RBM47: variants seen among roughly 807,000 people sequenced by gnomAD.
The protein encoded by RBM47 is RNA binding motif protein 47, also known as RNA-binding protein 47.
A neutral mutation model predicts 47.1 loss-of-function variants in RBM47; 21 were observed. That is an observed-to-expected ratio of 0.45 (90% CI 0.32 to 0.64). The LOEUF is 0.64. Among genes scored for constraint, RBM47 ranks in the 30% least tolerant of loss-of-function variants. The probability of loss-of-function intolerance (pLI) is 0.05; values close to 1 mark genes in which losing one functional copy is unlikely to be tolerated. For synonymous variants in RBM47, 375 were observed against 361.7 expected (o/e 1.04, Z -0.42); for missense variants, 708 against 870.9 (o/e 0.81, Z 2.35).
chr4:40,593,647 G>A (rs1409874823), intron 1 of RBM47, among the ~76,000 whole-genome samples: 1 of 152,084 alleles, frequency 6.6e-6, no homozygotes, highest in Non-Finnish European at 1.5e-5. Context: ...TTGGGAGGCT[G>A]AGGCGGGTGG....
At chr4:40,533,997 T>C (rs991487228) in intron 2 of RBM47, among the ~76,000 whole-genome samples, 5 of 152,154 alleles carry the variant, frequency 3.3e-5, no homozygotes, top group African/African-American at 1.2e-4. Context: ...GTATTTTTAG[T>C]AGAGATGTGG....
In RBM47 at chr4:40,578,773, G is replaced by A. The variant is rs1257852396; in HGVS notation, c.-239-34267C>T. Among the ~76,000 whole-genome samples the A allele has an allele frequency of 3.3e-5, 5 of 152,316 alleles. No homozygotes were observed. The East Asian group carries it at 9.6e-4, about 29-fold the overall frequency. On this transcript the variant is annotated intron_variant, in intron 1 of 6. Transcript: ENST00000295971. ...GCAGGGCCTGCTGTAAGGGCTAAGG[G>A]GTAACGCACACAAAGTGCTTGGCAC...
rs928769504 is a variant in RBM47 at position 40,432,552 on chromosome 4, G to A, written c.1542+99C>T. 6.4e-6 allele frequency: 10 copies of A among 1,556,402 alleles called. No homozygotes were observed. The African/African-American group carries it at 9.8e-5, about 15-fold the overall frequency. ...CACCCAACCATAGCTGTAACAGAGA[G>A]CCAGGCACACAGTAAATTCTCAGTG... is the stretch of plus-strand genomic sequence containing the variant. On this transcript the variant is annotated intron_variant, in intron 6 of 6. Transcript: ENST00000295971.
chr4:40,619,566 T>C (rs1332383770), intron 1 of RBM47, among the ~76,000 whole-genome samples: 5 of 152,184 alleles, frequency 3.3e-5, no homozygotes, highest in Admixed American at 2.6e-4. Flanking sequence ...CTGGGCACTT[T>C]GCACTGTTGC....
intron 2 of RBM47, among the ~76,000 whole-genome samples, chr4:40,493,763 C>A (rs534991405): frequency 7.6e-6 from 1 of 132,296 alleles, no homozygotes; most frequent in East Asian, 2.2e-4. Context: ...CAGAGTGAGA[C>A]CCTGTCTCAA....
chr4:40,456,755 G>A (rs1323736096), intron 3 of RBM47, among the ~76,000 whole-genome samples: 2 of 151,050 alleles, frequency 1.3e-5, no homozygotes, highest in South Asian at 2.1e-4. Context: ...TCACCACCAC[G>A]CCTGGCTAAT....
chr4:40,511,857 C>T (rs1014279927), intron 2 of RBM47, among the ~76,000 whole-genome samples: 3 of 151,122 alleles, frequency 2.0e-5, no homozygotes. Context: ...ATCGCCTGAA[C>T]CTGGGAGGCA....
chr4:40,494,714 G>A (rs1722344888), intron 2 of RBM47, among the ~76,000 whole-genome samples: 1 of 152,118 alleles, frequency 6.6e-6, no homozygotes, highest in Non-Finnish European at 1.5e-5. Flanking sequence ...CAGAAGCCAG[G>A]GACAGGTACA....
chr4:40,460,033 G>A (rs1716872624), intron 3 of RBM47, among the ~76,000 whole-genome samples: 1 of 152,126 alleles, frequency 6.6e-6, no homozygotes, highest in African/African-American at 2.4e-5. Context: ...TGGGATTACA[G>A]GCCTGAGCCA....
intron 5 of RBM47, among the ~76,000 whole-genome samples, chr4:40,433,539 A>G (rs968478772): frequency 1.3e-5 from 2 of 152,216 alleles, no homozygotes; most frequent in African/African-American, 4.8e-5. Context: ...GGCTTAGACG[A>G]AGAAGTGAGA....
At chr4:40,478,051 T>C (rs1719880806) in intron 2 of RBM47, among the ~76,000 whole-genome samples, 1 of 146,402 alleles carries the variant, frequency 6.8e-6, no homozygotes, top group Admixed American at 6.9e-5. Flanking sequence ...GTTTTGCTCT[T>C]ATTACCCAGG....
chr4:40,598,520 G>A (rs1037326010), intron 1 of RBM47, among the ~76,000 whole-genome samples: 2 of 151,946 alleles, frequency 1.3e-5, no homozygotes, highest in Non-Finnish European at 2.9e-5. Context: ...AAAGTGCTGG[G>A]ATTACAGGCA....
intron 2 of RBM47, chr4:40,543,211 C>T (rs1450190491): frequency 6.6e-6 from 1 of 152,188 alleles, no homozygotes; most frequent in African/African-American, 2.4e-5. Flanking sequence ...TATTTTTCTG[C>T]ACATTTAACA....
chr4:40,430,612 A>T (rs1715828787), intron 6 of RBM47, among the ~76,000 whole-genome samples: 1 of 152,230 alleles, frequency 6.6e-6, no homozygotes, highest in East Asian at 1.9e-4. Context: ...GCCCTTTCTG[A>T]ATAATGCAGT....
rs115523705 is a variant in RBM47, at chr4:40,607,657, C to T, written c.-240+21739G>A. On this transcript the variant is annotated intron_variant, in intron 1 of 6. Transcript: ENST00000295971. ...GGGAGATCGGGGCTGCAGAGAGCTG[C>T]GGTCACATCACTGCACTCTAGCCTG... is the stretch of plus-strand genomic sequence containing the variant. Among the ~76,000 whole-genome samples, 606 of 152,170 alleles carry T rather than the reference C, an allele frequency of 4.0e-3. 4 individuals are homozygous for T. The highest frequency in any genetic ancestry group is 0.014 in the African/African-American group (586 of 41,524).
At position 40,616,874 on chromosome 4, in the gene RBM47, C is replaced by CTTTTT. The variant is rs1300005872; in HGVS notation, c.-240+12517_-240+12521dup. ...ACTGTTTCATCTTATATTTTCTTTTCTTTTTTTTTTTTTTTTTTTGAGACA... is the reference window on the plus strand; with the variant it reads ...ACTGTTTCATCTTATATTTTCTTTTCTTTTTTTTTTTTTTTTTTTTTTTTGAGACA... On this transcript the variant is annotated intron_variant, in intron 1 of 6. Coordinates refer to ENST00000295971, the MANE Select transcript of RBM47 (RefSeq NM_001098634.2). Among the ~76,000 whole-genome samples, 989 of 111,390 alleles carry CTTTTT rather than the reference C, an allele frequency of 8.9e-3. 1 individual carries two copies. The highest frequency in any genetic ancestry group is 0.011 in the Non-Finnish European group (636 of 57,848). The allele number at this position is 111,390 out of a possible 152,430, so 73.1% of individuals were successfully genotyped here. A position where few individuals can be genotyped will look rare whatever the true frequency, so the allele number is the denominator to read the frequency against.
At chr4:40,531,840 G>A (rs1040662865) in intron 2 of RBM47, among the ~76,000 whole-genome samples, 2 of 152,000 alleles carry the variant, frequency 1.3e-5, no homozygotes, top group Admixed American at 1.3e-4. Context: ...CTAGGAAGAT[G>A]GTAGTGCGAA....
intron 3 of RBM47, among the ~76,000 whole-genome samples, chr4:40,459,879 C>T (rs1013317464): frequency 1.7e-4 from 26 of 152,306 alleles, no homozygotes; most frequent in African/African-American, 2.4e-4. Flanking sequence ...CTCAGCCTCC[C>T]GGGTAGCTGG....
At chr4:40,581,431 T>TAAA (rs1732915007) in intron 1 of RBM47, among the ~76,000 whole-genome samples, 2 of 51,678 alleles carry the variant, frequency 3.9e-5, no homozygotes, top group Non-Finnish European at 8.3e-5. Context: ...AAAAAAAAAG[T>TAAA]AATAATAAAT....
Sources: allele counts gnomAD v4.1 joint callset (sites outside exome capture counted in the v4.1 genomes callset), GRCh38; gene constraint gnomAD v4.1.1; transcripts MANE v1.5; gene names NCBI Gene and HGNC (gene_info 2026-07-23, HGNC 2026-07-21).